The following TLE1 variants were observed in gnomAD, a reference collection of about 807,000 sequenced individuals.
TLE1 encodes the protein TLE family member 1, transcriptional corepressor.
A neutral mutation model predicts 89.8 loss-of-function variants in TLE1; 21 were observed. That is an observed-to-expected ratio of 0.23 (90% confidence interval 0.17 to 0.34). The LOEUF is 0.34. Ranked by LOEUF, TLE1 falls within the 10% of genes least tolerant of loss-of-function variation. The probability of loss-of-function intolerance (pLI) is 1.00; values close to 1 mark genes in which losing one functional copy is unlikely to be tolerated. For synonymous variants in TLE1, 447 were observed against 407.6 expected, an observed-to-expected ratio of 1.10 and a Z score of -1.16; for missense variants, 795 against 1,031.2, an observed-to-expected ratio of 0.77 and a Z score of 3.14.
chr9:81,683,037 G>C (rs138314949), intron 4 of TLE1, among the ~76,000 whole-genome samples: 7 of 152,252 alleles, frequency 4.6e-5, no homozygotes, highest in African/African-American at 1.7e-4. Flanking sequence ...TACCATTCTT[G>C]ATTTGGATGC....
chr9:81,602,563 G>A (rs550433727), intron 14 of TLE1, among the ~76,000 whole-genome samples: 40 of 152,284 alleles, frequency 2.6e-4, no homozygotes, highest in African/African-American at 9.6e-4. Flanking sequence ...GTCACATGAG[G>A]TCAGGTGTGG....
Position 81,611,780 on chromosome 9 carries a change from G to T in TLE1, c.1243C>A (p.Arg415Ser). The change falls in exon 13 of 20, where the codon CGC becomes AGC. Residue 415 changes from arginine (R) to serine (S), a missense_variant. Arg to Ser is a moderately radical substitution (Grantham distance 110). Transcript: ENST00000376499. ...CGACAGCGGCCTACCATGGGGGAGC[G>T]CCCGTAGGCCACCACGGCGGCCGCG... ...AAAAAVVAYGRSPMVGFDPPP... is the reference protein window; with the variant it reads ...AAAAAVVAYGSSPMVGFDPPP... 1 of 1,533,520 alleles carries T rather than the reference G, an allele frequency of 6.5e-7. No individual in the cohort carries two copies. Among genetic ancestry groups the T allele is most frequent in the Non-Finnish European group, 8.7e-7 (1 of 1,148,738 alleles). The allele number at this position is 1,533,520 out of a possible 1,614,324, so 95.0% of individuals were successfully genotyped here. A position where few individuals can be genotyped will look rare whatever the true frequency, so the allele number is the denominator to read the frequency against.
intron 6 of TLE1, among the ~76,000 whole-genome samples, chr9:81,640,241 T>TA (rs1189658851): frequency 6.6e-6 from 1 of 152,170 alleles, no homozygotes; most frequent in Non-Finnish European, 1.5e-5. Flanking sequence ...TCTTGTATGC[T>TA]AAAAGACTTG....
intron 14 of TLE1, chr9:81,599,734 C>T (rs1830672659): frequency 1.0e-5 from 2 of 191,864 alleles, no homozygotes; most frequent in African/African-American, 4.6e-5. Flanking sequence ...CGTATTCTTC[C>T]AAATAGAAAA....
At chr9:81,610,128 C>G (rs1460300616) in intron 14 of TLE1, 92 bp downstream of exon 14, 3 of 1,166,466 alleles carry the variant, frequency 2.6e-6, no homozygotes, top group Non-Finnish European at 2.5e-6. Context: ...TGGAAACGCC[C>G]AAGCCTGTAC....
At chr9:81,669,843 C>T (rs1471318548) in intron 4 of TLE1, among the ~76,000 whole-genome samples, 1 of 152,048 alleles carries the variant, frequency 6.6e-6, no homozygotes, top group Non-Finnish European at 1.5e-5. Flanking sequence ...CCAACGGTCC[C>T]CCTTTGCTGG....
chr9:81,653,321 C>A (rs1829782639), intron 5 of TLE1, among the ~76,000 whole-genome samples: 1 of 152,200 alleles, frequency 6.6e-6, no homozygotes, highest in South Asian at 2.1e-4. Context: ...CACGTTACAG[C>A]ATTTACTAGC....
At chr9:81,636,911 G>A (rs1158607049) in intron 6 of TLE1, among the ~76,000 whole-genome samples, 1 of 151,358 alleles carries the variant, frequency 6.6e-6, no homozygotes, top group East Asian at 1.9e-4. Flanking sequence ...GCTGAGGCAG[G>A]AGAATCATTT....
At chr9:81,606,410 G>T (rs1039046992) in intron 14 of TLE1, among the ~76,000 whole-genome samples, 20 of 152,160 alleles carry the variant, frequency 1.3e-4, no homozygotes, top group Non-Finnish European at 1.2e-4. Context: ...AGAAAATGTG[G>T]CACATACACA....
intron 6 of TLE1, among the ~76,000 whole-genome samples, chr9:81,641,774 G>A (rs568673964): frequency 6.6e-6 from 1 of 152,180 alleles, no homozygotes; most frequent in South Asian, 2.1e-4. Context: ...TGTAATCCCA[G>A]CACTTTGGGA....
intron 4 of TLE1, 119 bp from the exon 5 acceptor site, chr9:81,654,155 T>C (rs1829877519): frequency 1.1e-6 from 1 of 894,490 alleles, no homozygotes; most frequent in Non-Finnish European, 1.7e-6. Flanking sequence ...GTGTATAAAA[T>C]GGTTTCCCCA....
intron 4 of TLE1, among the ~76,000 whole-genome samples, chr9:81,656,979 C>A (rs755103802): frequency 6.6e-6 from 1 of 152,194 alleles, no homozygotes; most frequent in Non-Finnish European, 1.5e-5. Flanking sequence ...TAGGAGGGTT[C>A]CTGCTCTCCC....
At chr9:81,627,790 G>C (rs770384924) in intron 8 of TLE1, among the ~76,000 whole-genome samples, 1 of 152,122 alleles carries the variant, frequency 6.6e-6, no homozygotes. Flanking sequence ...TTGATTATCA[G>C]GAAAGTGATC....
At position 81,678,951 on chromosome 9, in the gene TLE1, G is replaced by A. The variant is rs545741127; in HGVS notation, c.234+6725C>T. On this transcript the variant is annotated intron_variant, in intron 4 of 19. Transcript: ENST00000376499. ...AGGCTAGGAGTTTGAGACCAGCCTG[G>A]ACAACATGCAGAAACCCCATCTCTA... Among the ~76,000 whole-genome samples the A allele has an allele frequency of 2.0e-5, 3 of 152,186 alleles. No homozygotes were observed. The East Asian group carries it at 5.8e-4, about 29-fold the overall frequency.
Position 81,652,070 on chromosome 9 carries a change from CT to C in TLE1, c.372+143del, listed in dbSNP as rs1211724569. On this transcript the variant is annotated intron_variant, in intron 6 of 19. Coordinates refer to ENST00000376499, the MANE Select transcript of TLE1 (RefSeq NM_005077.5). ...AGCACATCCCAAGTCTCTTCCTCTC[CT>C]CCTCCCACCCTTATCAAATAGGTCA... is the stretch of plus-strand genomic sequence containing the variant. 13 of 757,134 alleles carry C rather than the reference CT, an allele frequency of 1.7e-5. No homozygotes were observed. In the East Asian group the frequency reaches 3.1e-4, roughly 18 times the overall value. 46.9% of individuals were successfully genotyped at this position (757,134 alleles called of 1,614,324 possible). A position where few individuals can be genotyped will look rare whatever the true frequency, so the allele number is the denominator to read the frequency against.
chr9:81,617,794 G>C (rs113315509), intron 9 of TLE1, among the ~76,000 whole-genome samples: 2 of 152,218 alleles, frequency 1.3e-5, no homozygotes, highest in African/African-American at 4.8e-5. Context: ...GGGAGGCCGA[G>C]GCAGGTGGAT....
At chr9:81,592,919 G>A in intron 15 of TLE1, 106 bp downstream of exon 15, 3 of 1,424,712 alleles carry the variant, frequency 2.1e-6, no homozygotes, top group Non-Finnish European at 2.8e-6. Context: ...AACAGAAGGG[G>A]CTTCTATTTC....
At chr9:81,587,908 G>GTGTGTGTGTGTGTGTGTGTCATCCCGCA in intron 16 of TLE1, 80 bp from the exon 17 acceptor site, 1 of 573,144 alleles carries the variant, frequency 1.7e-6, no homozygotes. Context: ...GTTTTGGACC[G>GTGTGTGTGTGTGTGTGTGTCATCCCGCA]TGTGTGTGTG....
rs1250839867 is a variant in TLE1 at position 81,613,452 on chromosome 9, C to G, written c.988G>C (p.Gly330Arg). 1 of 1,614,126 alleles carries G rather than the reference C, an allele frequency of 6.2e-7. No individual in the cohort carries two copies. The highest frequency in any genetic ancestry group is 2.2e-5 in the East Asian group (1 of 44,858). Reference sequence around the variant, plus strand: ...CGGAGGCCTGGAGTGGCGCTGGTGCCCGGCGTTGGCATGTCGCTCCGAGGC... The same window carrying G: ...CGGAGGCCTGGAGTGGCGCTGGTGCGCGGCGTTGGCATGTCGCTCCGAGGC... ...PTPRSDMPTPGTSATPGLRPG... is the reference protein window; with the variant it reads ...PTPRSDMPTPRTSATPGLRPG... Residue 330 changes from glycine (G) to arginine (R), a missense_variant, in exon 12 of 20, where the codon GGC becomes CGC. Transcript: ENST00000376499.
Sources: gnomAD v4.1 joint callset for allele counts (sites outside exome capture counted in the v4.1 genomes callset) on GRCh38, gnomAD v4.1.1 for gene constraint, MANE v1.5 for transcripts, NCBI Gene and HGNC (gene_info 2026-07-23, HGNC 2026-07-21) for gene names.